The following NAALADL2 variants were observed in gnomAD, a reference collection of about 807,000 sequenced individuals.
NAALADL2 encodes the protein inactive N-acetylated-alpha-linked acidic dipeptidase-like protein 2.
In NAALADL2, 76 loss-of-function variants were observed where a neutral mutation model predicts 87.2. The observed-to-expected ratio is 0.87, with a 90% confidence interval of 0.72 to 1.05. The LOEUF is 1.05. Ranked by LOEUF, NAALADL2 falls within the 50% of genes least tolerant of loss-of-function variation. The pLI is 0.00. For missense variants in NAALADL2, 1,089 were observed against 945.8 expected, an observed-to-expected ratio of 1.15 and a Z score of -1.99; for synonymous variants, 354 against 331.0, an observed-to-expected ratio of 1.07 and a Z score of -0.75.
chr3:175,316,429 G>A (rs1759145806), intron 4 of NAALADL2, among the ~76,000 whole-genome samples: 1 of 152,108 alleles, frequency 6.6e-6, no homozygotes, highest in Non-Finnish European at 1.5e-5. Context: ...GTTGAGCATG[G>A]CAAAGGACCT....
At chr3:174,788,824 A>G (rs1263328133) in intron 3 of NAALADL2, among the ~76,000 whole-genome samples, 1 of 152,192 alleles carries the variant, frequency 6.6e-6, no homozygotes, top group African/African-American at 2.4e-5. Flanking sequence ...CCCAACTGAG[A>G]TCAACCTATA....
At chr3:175,516,272 G>A (rs1232730624) in intron 9 of NAALADL2, among the ~76,000 whole-genome samples, 2 of 152,162 alleles carry the variant, frequency 1.3e-5, no homozygotes, top group African/African-American at 4.8e-5. Flanking sequence ...TTTATCTTTT[G>A]TTTAAATATT....
chr3:175,179,464 A>G (rs1390225461), intron 2 of NAALADL2, among the ~76,000 whole-genome samples: 1 of 152,004 alleles, frequency 6.6e-6, no homozygotes, highest in Non-Finnish European at 1.5e-5. Context: ...ATCTCATTTC[A>G]CATCAATGAG....
At chr3:175,595,948 T>G (rs1349308622) in intron 10 of NAALADL2, among the ~76,000 whole-genome samples, 1 of 151,954 alleles carries the variant, frequency 6.6e-6, no homozygotes, top group East Asian at 1.9e-4. Flanking sequence ...TCCTAAGTTA[T>G]TCTTCTATTC....
At chr3:174,757,540 G>A (rs1712277614) in intron 3 of NAALADL2, among the ~76,000 whole-genome samples, 1 of 151,934 alleles carries the variant, frequency 6.6e-6, no homozygotes, top group Non-Finnish European at 1.5e-5. Context: ...CGCCCAGGCT[G>A]GAGTGCAGTG....
At chr3:174,864,054 A>G (rs1346923869) in intron 1 of NAALADL2, 5 of 455,698 alleles carry the variant, frequency 1.1e-5, no homozygotes, top group Non-Finnish European at 2.2e-5. Context: ...TTTGGAGCAA[A>G]GAAAGTTGCT....
At chr3:174,828,134 G>A (rs1722204835) in intron 3 of NAALADL2, among the ~76,000 whole-genome samples, 1 of 151,544 alleles carries the variant, frequency 6.6e-6, no homozygotes, top group African/African-American at 2.4e-5. Flanking sequence ...CCAGTCTGGT[G>A]ACAGAGAAAG....
intron 2 of NAALADL2, among the ~76,000 whole-genome samples, chr3:175,211,768 A>G (rs917564080): frequency 4.6e-5 from 7 of 152,026 alleles, no homozygotes. Flanking sequence ...GTGATGTGCA[A>G]TTATATTTCT....
At chr3:174,703,717 G>C (rs1413196589) in intron 2 of NAALADL2, among the ~76,000 whole-genome samples, 1 of 152,052 alleles carries the variant, frequency 6.6e-6, no homozygotes, top group African/African-American at 2.4e-5. Context: ...ACCTCGTTAA[G>C]GTACAGTGCT....
intron 3 of NAALADL2, among the ~76,000 whole-genome samples, chr3:174,767,126 T>C (rs77681814): frequency 6.6e-6 from 1 of 152,306 alleles, no homozygotes; most frequent in Non-Finnish European, 1.5e-5. Context: ...GCCTGAGTTT[T>C]CTGAGGGATT....
chr3:175,498,920 C>T (rs1729173618), intron 9 of NAALADL2, among the ~76,000 whole-genome samples: 1 of 152,048 alleles, frequency 6.6e-6, no homozygotes, highest in South Asian at 2.1e-4. Context: ...CTCAGAGATC[C>T]TATCTGCATT....
chr3:174,815,653 G>A (rs6445183), intron 3 of NAALADL2, among the ~76,000 whole-genome samples: 85,632 of 151,876 alleles, frequency 0.56, 25,343 homozygotes, highest in African/African-American at 0.76. Flanking sequence ...GTAAATATTT[G>A]TCTAAGCCAC....
chr3:175,318,480 T>G (rs1490695367), intron 4 of NAALADL2, among the ~76,000 whole-genome samples: 1 of 152,034 alleles, frequency 6.6e-6, no homozygotes, highest in Non-Finnish European at 1.5e-5. Context: ...GAAGTTTTTA[T>G]TTTTTTCCTC....
intron 12 of NAALADL2, among the ~76,000 whole-genome samples, chr3:175,746,738 T>G (rs1295447369): frequency 6.6e-6 from 1 of 152,214 alleles, no homozygotes; most frequent in Non-Finnish European, 1.5e-5. Flanking sequence ...CTTACCTTGT[T>G]TGCTCAAATT....
At chr3:175,556,347 C>T (rs765749414) in intron 9 of NAALADL2, among the ~76,000 whole-genome samples, 6 of 152,074 alleles carry the variant, frequency 3.9e-5, no homozygotes, top group Non-Finnish European at 7.4e-5. Context: ...CTATCCATAC[C>T]TCAGTTTCCT....
chr3:174,603,752 T>C lies in NAALADL2; in HGVS notation c.-115+53115T>C, dbSNP rs1480087558. 3.3e-5 allele frequency among the ~76,000 whole-genome samples: 5 copies of C among 152,092 alleles called. No homozygotes were observed. The East Asian group carries it at 9.6e-4, about 29-fold the overall frequency. The stretch of plus-strand genomic sequence containing the variant: ...CCTCTTAGTACTGATTTTGCTGTAT[T>C]CCATAGGTTTTTGTGTATTGTATTT... On this transcript the variant is annotated intron_variant, in intron 2 of 3. Transcript: ENST00000434257.
At chr3:175,781,376 C>A (rs372304973) in intron 13 of NAALADL2, among the ~76,000 whole-genome samples, 1 of 151,916 alleles carries the variant, frequency 6.6e-6, no homozygotes, top group Non-Finnish European at 1.5e-5. Flanking sequence ...TCTCCTATTG[C>A]CTGGTAACAT....
intron 2 of NAALADL2, among the ~76,000 whole-genome samples, chr3:175,183,155 T>A (rs1350806): frequency 0.73 from 110,827 of 151,800 alleles, 41,045 homozygotes; most frequent in Non-Finnish European, 0.8. Context: ...AACATTATCA[T>A]TTCTTCCAAT....
At chr3:175,572,355 A>G (rs1718207327) in intron 9 of NAALADL2, among the ~76,000 whole-genome samples, 1 of 150,684 alleles carries the variant, frequency 6.6e-6, no homozygotes, top group South Asian at 2.1e-4. Flanking sequence ...TCAAAATAGA[A>G]TTGTAAGATA....
Sources: gnomAD v4.1 joint callset for allele counts (sites outside exome capture counted in the v4.1 genomes callset) on GRCh38, gnomAD v4.1.1 for gene constraint, MANE v1.5 for transcripts, NCBI Gene and HGNC (gene_info 2026-07-23, HGNC 2026-07-21) for gene names.